The following TRPV5 variants were observed in gnomAD, a reference collection of about 807,000 sequenced individuals.
The protein encoded by TRPV5 is transient receptor potential cation channel subfamily V member 5, also known as calcium transport protein 2.
A neutral mutation model predicts 74.1 loss-of-function variants in TRPV5; 66 were observed. The observed-to-expected ratio is 0.89, with a 90% CI of 0.73 to 1.09. The LOEUF is 1.09. TRPV5 is among the 50% of genes least tolerant of loss of function. The pLI is 0.00. For missense variants in TRPV5, 936 were observed against 930.4 expected (o/e 1.01, Z -0.08); for synonymous variants, 399 against 360.7 (o/e 1.11, Z -1.20).
At position 142,929,441 on chromosome 7, in the gene TRPV5, G is replaced by C. The variant is rs1424354163; in HGVS notation, c.474C>G (p.Asn158Lys). ...TGTAFRHSPRNLIYFGEHPLS... is the reference protein window; with the variant it reads ...TGTAFRHSPRKLIYFGEHPLS... ...CCCTGCTCTCACCAAAGTAGATGAG[G>C]TTGCGGGGACTATGGCGGAAGGCAG... The change falls in exon 4 of 15, where the codon AAC becomes AAG. Residue 158 changes from asparagine (N) to lysine (K), a missense_variant. By Grantham distance (94) the Asn-to-Lys change is moderately conservative. Coordinates refer to ENST00000265310, the MANE Select transcript of TRPV5 (RefSeq NM_019841.7). The C allele has an allele frequency of 1.2e-6, 2 of 1,614,152 alleles. No homozygotes were observed. The highest frequency in any genetic ancestry group is 1.7e-6 in the Non-Finnish European group (2 of 1,180,012).
intron 14 of TRPV5, 25 bp from the exon 15 acceptor site, chr7:142,908,833 C>G: frequency 6.3e-7 from 1 of 1,598,056 alleles, no homozygotes; most frequent in Non-Finnish European, 8.5e-7. Flanking sequence ...GGGGAAAGGA[C>G]TCAATCCAGG....
rs1795639169 is a variant in TRPV5, at chr7:142,908,194, A to C, written c.*320T>G. On this transcript the variant is annotated 3_prime_UTR_variant, in exon 15 of 15. Coordinates refer to ENST00000265310, the MANE Select transcript of TRPV5 (RefSeq NM_019841.7). Reference sequence around the variant, plus strand: ...AAAGCCTCACAGCTTACTACTTTCTAGGGGCTGCGTGGGGCAGAAGAGAAA... The same window carrying C: ...AAAGCCTCACAGCTTACTACTTTCTCGGGGCTGCGTGGGGCAGAAGAGAAA... The C allele has an allele frequency of 7.7e-6, 3 of 388,408 alleles. No homozygotes were observed. The highest frequency in any genetic ancestry group is 4.7e-6 in the Non-Finnish European group (1 of 214,550). The allele number at this position is 388,408 out of a possible 1,614,324, so 24.1% of individuals were successfully genotyped here.
chr7:142,925,057 C>T, intron 8 of TRPV5: 1 of 196,844 alleles, frequency 5.1e-6, no homozygotes, highest in Non-Finnish European at 1.1e-5. Flanking sequence ...GACAGGCAGT[C>T]AGACAGCTGA....
chr7:142,929,284 C>T (rs1796043714), intron 4 of TRPV5, 144 bp downstream of exon 4: 1 of 1,487,416 alleles, frequency 6.7e-7, no homozygotes, highest in Non-Finnish European at 9.0e-7. Flanking sequence ...GGGAATGGGC[C>T]TCTGGCTTAA....
At chr7:142,920,103 C>G (rs1206901277) in intron 8 of TRPV5, among the ~76,000 whole-genome samples, 1 of 152,190 alleles carries the variant, frequency 6.6e-6, no homozygotes, top group Non-Finnish European at 1.5e-5. Flanking sequence ...GATCAAGAAC[C>G]TGGCATTTAC....
chr7:142,909,597 C>T lies in TRPV5; in HGVS notation c.1789-1G>A. 1.9e-6 allele frequency: 3 copies of T among 1,613,736 alleles called. No individual in the cohort carries two copies. Among genetic ancestry groups the T allele is most frequent in the Non-Finnish European group, 1.7e-6 (2 of 1,179,982 alleles). ...CCAGCATCACTGTGGTGGCCACGAC[C>T]TGGAAGGAGGCAGGAGATACAGGAA... On this transcript the variant is annotated splice_acceptor_variant, in intron 13 of 14. Coordinates refer to ENST00000265310, the MANE Select transcript of TRPV5 (RefSeq NM_019841.7). LOFTEE classifies it high-confidence loss of function.
At chr7:142,925,112 T>G in intron 8 of TRPV5, 1 of 333,782 alleles carries the variant, frequency 3.0e-6, no homozygotes, top group Non-Finnish European at 5.6e-6. Context: ...CAGAAGAGGG[T>G]GCAGGCCAGC....
rs868534920 is a variant in TRPV5 at position 142,914,675 on chromosome 7, C to A, written c.1484G>T (p.Trp495Leu). Residue 495 changes from tryptophan to leucine, a missense_variant, in exon 12 of 15, where the codon TGG becomes TTG. By Grantham distance (61) the Trp-to-Leu change is moderately conservative (BLOSUM62 -2). Coordinates refer to ENST00000265310, the MANE Select transcript of TRPV5 (RefSeq NM_019841.7). ...MIFGDLMRFC[W>L]LMAVVILGFA... ...TCCCAAGATGACCACAGCCATCAGC[C>A]AGCAGAAACGCATTAGGTCTCCAAA... 6.2e-6 allele frequency: 10 copies of A among 1,613,754 alleles called. No homozygotes were observed. The Middle Eastern group carries it at 1.6e-3, about 266-fold the overall frequency.
At chr7:142,914,345 A>G (rs1037329871) in intron 12 of TRPV5, among the ~76,000 whole-genome samples, 1 of 152,020 alleles carries the variant, frequency 6.6e-6, no homozygotes, top group African/African-American at 2.4e-5. Flanking sequence ...CCCTGTTCTC[A>G]CCAAAAGTCT....
Position 142,908,534 on chromosome 7 carries a change from C to T in TRPV5, c.2170G>A (p.Glu724Lys). 1.2e-6 allele frequency: 2 copies of T among 1,614,206 alleles called. No individual in the cohort carries two copies. Among genetic ancestry groups the T allele is most frequent in the African/African-American group, 2.7e-5 (2 of 75,066 alleles). Residue 724 changes from glutamate (E) to lysine (K), a missense_variant, in exon 15 of 15, where the codon GAG becomes AAG. Transcript: ENST00000265310. ...GTTAATCAAAAATGGTAGACCTCCT[C>T]TCCATCCCCCTCACTAAGGTTCAGT... ...LGLNLSEGDG[E>K]EVYHF
intron 8 of TRPV5, chr7:142,924,858 A>G (rs759368571): frequency 9.1e-5 from 14 of 153,008 alleles, no homozygotes; most frequent in Middle Eastern, 3.4e-3. Flanking sequence ...GTTGCACAAA[A>G]AGGAGGTTTA....
chr7:142,917,174 C>T (rs932699674), intron 8 of TRPV5, among the ~76,000 whole-genome samples: 6 of 151,710 alleles, frequency 4.0e-5, no homozygotes, highest in South Asian at 4.1e-4. Flanking sequence ...ATTCAGTTCA[C>T]GGACTGTGTT....
In TRPV5 at chr7:142,929,630, C is replaced by A. The variant is rs911326867; in HGVS notation, c.350-65G>T. On this transcript the variant is annotated intron_variant, in intron 3 of 14. Coordinates refer to ENST00000265310, the MANE Select transcript of TRPV5 (RefSeq NM_019841.7). Reference sequence around the variant, plus strand: ...CCCAGTTCTCTCAGGGACACAGCATCCCCCACCATCCCTCTCAGGAGGTTC... The same window carrying A: ...CCCAGTTCTCTCAGGGACACAGCATACCCCACCATCCCTCTCAGGAGGTTC... The A allele has an allele frequency of 6.3e-6, 10 of 1,584,418 alleles. No homozygotes were observed. In the South Asian group the frequency reaches 1.1e-4, roughly 18 times the overall value.
At chr7:142,927,633 C>T (rs1225474670) in intron 7 of TRPV5, among the ~76,000 whole-genome samples, 3 of 152,124 alleles carry the variant, frequency 2.0e-5, no homozygotes, top group Non-Finnish European at 4.4e-5. Context: ...AGGTGCCACA[C>T]ACTTTTAAAC....
chr7:142,925,666 A>G lies in TRPV5; in HGVS notation c.985T>C (p.Phe329Leu). The G allele has an allele frequency of 5.6e-6, 9 of 1,614,208 alleles. No homozygotes were observed. Among genetic ancestry groups the G allele is most frequent in the Non-Finnish European group, 7.6e-6 (9 of 1,180,044 alleles). ...FKWNKYGRPY[F>L]CILAALYLLY... is the part of the protein sequence containing the mutation. The stretch of plus-strand genomic sequence containing the variant: ...AGGTACAAGGCAGCCAGGATGCAGA[A>G]GTACGGCCGGCCATACTTGTTCCAC... The change falls in exon 8 of 15, where the codon TTC becomes CTC. Residue 329 changes from phenylalanine to leucine, a missense_variant. By Grantham distance (22) the Phe-to-Leu change is conservative. Transcript: ENST00000265310.
chr7:142,930,414 T>C lies in TRPV5; in HGVS notation c.161A>G (p.Lys54Arg), dbSNP rs760697973. Residue 54 changes from lysine (K) to arginine (R), a missense_variant, in exon 2 of 15, where the codon AAG becomes AGG. Lys to Arg is a conservative substitution (Grantham distance 26). Transcript: ENST00000265310. ...CCTAAGAACAGACAGGTCATTTTCC[T>C]TGGATGCTCGAAGCAGTGGAGACTC... ...ILESPLLRAS[K>R]ENDLSVLRQL... 17 of 1,614,100 alleles carry C rather than the reference T, an allele frequency of 1.1e-5. No homozygotes were observed. Among genetic ancestry groups the C allele is most frequent in the African/African-American group, 1.3e-5 (1 of 74,930 alleles).
chr7:142,908,389 G>T lies in TRPV5; in HGVS notation c.*125C>A. On this transcript the variant is annotated 3_prime_UTR_variant, in exon 15 of 15. Coordinates refer to ENST00000265310, the MANE Select transcript of TRPV5 (RefSeq NM_019841.7). The stretch of plus-strand genomic sequence containing the variant: ...TGTGAGGCATGACCCTTTAGGGATT[G>T]TTCTGTCTCACCCTCCCATGATTAA... 1 of 1,078,638 alleles carries T rather than the reference G, an allele frequency of 9.3e-7. No individual in the cohort carries two copies. Among genetic ancestry groups the T allele is most frequent in the Middle Eastern group, 2.6e-4 (1 of 3,874 alleles). The allele number at this position is 1,078,638 out of a possible 1,614,324, so 66.8% of individuals were successfully genotyped here. A position where few individuals can be genotyped will look rare whatever the true frequency, so the allele number is the denominator to read the frequency against.
chr7:142,919,454 G>T (rs1273004490), intron 8 of TRPV5, among the ~76,000 whole-genome samples: 1 of 152,224 alleles, frequency 6.6e-6, no homozygotes, highest in African/African-American at 2.4e-5. Flanking sequence ...GACCTATCTG[G>T]AGGCCTAAGA....
rs1474613976 is a variant in TRPV5 at position 142,908,705 on chromosome 7, G to A, written c.1999C>T (p.Gln667Ter). 1.2e-6 allele frequency: 2 copies of A among 1,614,094 alleles called. No individual in the cohort carries two copies. The highest frequency in any genetic ancestry group is 2.7e-5 in the African/African-American group (2 of 74,938). Residue 667 changes from glutamine (Q) to a stop codon, truncating the protein, a stop_gained, in exon 15 of 15, where the codon CAG becomes TAG. Transcript: ENST00000265310. LOFTEE classifies it low-confidence loss of function (END_TRUNC). ...GTCCCACTCTCAGCCCCAGAGGGCT[G>A]TTTCTCAGATGGATGCTCCTGGTCA... ...EDDQEHPSEK[Q>*]PSGAESGTLA...
Sources: allele counts gnomAD v4.1 joint callset (sites outside exome capture counted in the v4.1 genomes callset), GRCh38; gene constraint gnomAD v4.1.1; transcripts MANE v1.5; gene names NCBI Gene and HGNC (gene_info 2026-07-23, HGNC 2026-07-21).